The following GLYR1 variants were observed in gnomAD, a reference collection of about 807,000 sequenced individuals.
GLYR1 encodes the protein cytokine-like nuclear factor N-PAC.
A neutral mutation model predicts 72.7 loss-of-function variants in GLYR1; 21 were observed. The ratio of observed to expected loss-of-function variants is 0.29; its 90% CI spans 0.20 to 0.42. The LOEUF (loss-of-function observed/expected upper bound fraction) is 0.42, where lower values mean the gene tolerates loss of function less well. GLYR1 is among the 10% of genes least tolerant of loss of function. The pLI is 1.00. For synonymous variants in GLYR1, 392 were observed against 270.2 expected (o/e 1.45, Z -4.42); for missense variants, 594 against 712.1 (o/e 0.83, Z 1.89).
chr16:4,832,258 C>T (rs2084848207), intron 4 of GLYR1, 37 bp from the exon 5 acceptor site: 1 of 1,608,768 alleles, frequency 6.2e-7, no homozygotes, highest in East Asian at 2.2e-5. Flanking sequence ...ACTACCACCA[C>T]AGCTGCTGCC....
intron 3 of GLYR1, chr16:4,840,461 T>C (rs909317242): frequency 2.0e-5 from 3 of 152,206 alleles, no homozygotes; most frequent in African/African-American, 7.2e-5. Flanking sequence ...AAAGCCTTTT[T>C]GGTAAAAAGA....
chr16:4,840,854 T>C (rs2085499033), intron 3 of GLYR1, among the ~76,000 whole-genome samples: 1 of 152,240 alleles, frequency 6.6e-6, no homozygotes, highest in African/African-American at 2.4e-5. Flanking sequence ...CCAGCCAATC[T>C]GGAGATCTTA....
chr16:4,834,420 C>T (rs2085000448), intron 3 of GLYR1, among the ~76,000 whole-genome samples: 1 of 151,760 alleles, frequency 6.6e-6, no homozygotes, highest in Admixed American at 6.6e-5. Context: ...CTGCCTCAGC[C>T]TCCCAAGTGC....
In GLYR1 at chr16:4,823,917, G is replaced by C. The variant is rs115600971; in HGVS notation, c.538-10C>G. ...CCGGGATGGTGAGATCCTATAGAGGGAGGGGCAGGGCATTTTAAAATCACA... is the reference window on the plus strand; with the variant it reads ...CCGGGATGGTGAGATCCTATAGAGGCAGGGGCAGGGCATTTTAAAATCACA... On this transcript the variant is annotated splice_polypyrimidine_tract_variant and intron_variant, in intron 5 of 15. Transcript: ENST00000321919. 91 of 1,607,734 alleles carry C rather than the reference G, an allele frequency of 5.7e-5. No individual in the cohort carries two copies. In the African/African-American group the frequency reaches 1.2e-3, roughly 21 times the overall value.
At chr16:4,834,998 T>C (rs1284970349) in intron 3 of GLYR1, among the ~76,000 whole-genome samples, 1 of 152,130 alleles carries the variant, frequency 6.6e-6, no homozygotes, top group Admixed American at 6.5e-5. Context: ...AACCCGTGGG[T>C]CTGAGATGAC....
Position 4,844,991 on chromosome 16 carries a change from C to T in GLYR1, c.155+83G>A, listed in dbSNP as rs1813771380. The T allele has an allele frequency of 5.6e-6, 5 of 888,234 alleles. No homozygotes were observed. In the South Asian group the frequency reaches 7.0e-5, roughly 12 times the overall value. 55.0% of individuals were successfully genotyped at this position (888,234 alleles called of 1,614,324 possible). A position where few individuals can be genotyped will look rare whatever the true frequency, so the allele number is the denominator to read the frequency against. On this transcript the variant is annotated intron_variant, in intron 3 of 15. Transcript: ENST00000321919. ...ATTATAAGAAGACTGAACTAAGGAT[C>T]CTTAGAATATTTTCAAAGCAGCTCA...
chr16:4,817,598 T>C lies in GLYR1; in HGVS notation c.906A>G (p.Lys302=), dbSNP rs200172197. The C allele has an allele frequency of 3.8e-6, 6 of 1,599,742 alleles. No homozygotes were observed. Among genetic ancestry groups the C allele is most frequent in the Non-Finnish European group, 5.1e-6 (6 of 1,166,960 alleles). The part of the protein sequence containing the change: ...TVTVWNRTAE[K]CDLFIQEGAR... The stretch of plus-strand genomic sequence containing the variant: ...ACAGGCACCACCCCTGAATGCTTAC[T>C]TTCTCTGCAGTGCGGTTCCAGACAG... The change falls in exon 10 of 16, where the codon AAA becomes AAG. Residue 302 remains lysine, a splice_region_variant and synonymous_variant. Transcript: ENST00000321919.
chr16:4,844,707 A>C (rs2085842357), intron 3 of GLYR1, among the ~76,000 whole-genome samples: 1 of 152,178 alleles, frequency 6.6e-6, no homozygotes. Context: ...GTTGCGGTGA[A>C]CTGAGACTGC....
At chr16:4,829,168 A>C (rs1342590968) in intron 5 of GLYR1, among the ~76,000 whole-genome samples, 2 of 152,040 alleles carry the variant, frequency 1.3e-5, no homozygotes, top group African/African-American at 2.4e-5. Flanking sequence ...GCCTGAGGTC[A>C]TCTAACAGTG....
At chr16:4,833,424 CAG>C (rs1330080006) in intron 3 of GLYR1, among the ~76,000 whole-genome samples, 2 of 152,116 alleles carry the variant, frequency 1.3e-5, no homozygotes, top group Admixed American at 6.6e-5. Context: ...TGTTGATCCA[CAG>C]AGAGTCAGGG....
Position 4,811,354 on chromosome 16 carries a change from C to T in GLYR1, c.1463-60G>A, listed in dbSNP as rs867268831. The T allele has an allele frequency of 4.2e-5, 67 of 1,602,144 alleles. No individual in the cohort carries two copies. In the Middle Eastern group the frequency reaches 6.6e-4, roughly 16 times the overall value. On this transcript the variant is annotated intron_variant, in intron 14 of 15. Transcript: ENST00000321919. ...AGGACCTGAAACTAAAAACTACTTACGGTCCACCAGGTGTCAGTACCTAAA... is the reference window on the plus strand; with the variant it reads ...AGGACCTGAAACTAAAAACTACTTATGGTCCACCAGGTGTCAGTACCTAAA...
chr16:4,806,746 A>G (rs1392663537), intron 15 of GLYR1, among the ~76,000 whole-genome samples: 2 of 152,158 alleles, frequency 1.3e-5, no homozygotes, highest in Non-Finnish European at 2.9e-5. Context: ...ACCACTAAAA[A>G]AAGAATGCAG....
In GLYR1 at chr16:4,805,135, T is replaced by G; in HGVS notation, c.*101A>C. On this transcript the variant is annotated 3_prime_UTR_variant, in exon 16 of 16. Coordinates refer to ENST00000321919, the MANE Select transcript of GLYR1 (RefSeq NM_032569.4). The stretch of plus-strand genomic sequence containing the variant: ...AAGTCTGTATAAAAGGAAATGGAGA[T>G]AGGTGGGCTGGTCCAGAATGAACTC... 3 of 911,220 alleles carry G rather than the reference T, an allele frequency of 3.3e-6. No homozygotes were observed. Among genetic ancestry groups the G allele is most frequent in the Non-Finnish European group, 3.6e-6 (2 of 555,560 alleles). The allele number at this position is 911,220 out of a possible 1,614,324, so 56.4% of individuals were successfully genotyped here.
chr16:4,838,481 T>TA (rs2085310670), intron 3 of GLYR1, among the ~76,000 whole-genome samples: 1 of 152,184 alleles, frequency 6.6e-6, no homozygotes, highest in East Asian at 1.9e-4. Flanking sequence ...TCTCCACTGT[T>TA]TGTCCACAAT....
chr16:4,819,878 G>C (rs1464024005), intron 9 of GLYR1, among the ~76,000 whole-genome samples: 2 of 152,104 alleles, frequency 1.3e-5, no homozygotes, highest in Admixed American at 1.3e-4. Flanking sequence ...TAAAAACAAG[G>C]AGGTACCTTT....
At chr16:4,846,251 C>T in intron 1 of GLYR1, 41 bp from the exon 2 acceptor site, 1 of 1,607,826 alleles carries the variant, frequency 6.2e-7, no homozygotes, top group Non-Finnish European at 8.5e-7. Context: ...CCTGCAAAAG[C>T]CAGTCCATCT....
At chr16:4,810,781 G>A (rs1742061232) in intron 15 of GLYR1, among the ~76,000 whole-genome samples, 1 of 142,132 alleles carries the variant, frequency 7.0e-6, no homozygotes, top group Non-Finnish European at 1.5e-5. Context: ...GCAAGACTCT[G>A]TCTCAAAATA....
At chr16:4,822,683 C>G (rs1294758429) in intron 7 of GLYR1, among the ~76,000 whole-genome samples, 192 bp downstream of exon 7, 1 of 152,244 alleles carries the variant, frequency 6.6e-6, no homozygotes, top group Non-Finnish European at 1.5e-5. Context: ...GCCACCGCGC[C>G]CGGCCTGGAT....
At chr16:4,837,917 G>C (rs188675578) in intron 3 of GLYR1, among the ~76,000 whole-genome samples, 1 of 150,716 alleles carries the variant, frequency 6.6e-6, no homozygotes, top group Admixed American at 6.7e-5. Flanking sequence ...GCGACAGAGC[G>C]AGACTCCATC....
Sources: allele counts gnomAD v4.1 joint callset (sites outside exome capture counted in the v4.1 genomes callset), GRCh38; gene constraint gnomAD v4.1.1; transcripts MANE v1.5; gene names NCBI Gene and HGNC (gene_info 2026-07-23, HGNC 2026-07-21).